Variants in ABHD2 observed in about 807,000 individuals in gnomAD.
ABHD2 encodes monoacylglycerol lipase ABHD2.
A neutral mutation model predicts 48.1 loss-of-function variants in ABHD2; 20 were observed. That is an observed-to-expected ratio of 0.42 (90% CI 0.29 to 0.60). The LOEUF is 0.60. Among genes scored for constraint, ABHD2 ranks in the 20% least tolerant of loss-of-function variants. ABHD2 has a pLI of 0.24. For synonymous variants in ABHD2, 209 were observed against 214.2 expected, an observed-to-expected ratio of 0.98 and a Z score of 0.21; for missense variants, 405 against 550.9, an observed-to-expected ratio of 0.74 and a Z score of 2.65.
the ABHD2 span, among the ~76,000 whole-genome samples, chr15:89,069,674 C>CTTTTTTTTTTTTTTATTTTTTTTTTT: frequency 1.9e-5 from 1 of 52,898 alleles, no homozygotes. Flanking sequence ...TTCATTTACT[C>CTTTTTTTTTTTTTTATTTTTTTTTTT]TTTTTTTTTT....
chr15:89,044,341 G>C, the ABHD2 span, among the ~76,000 whole-genome samples: 464 of 152,208 alleles, frequency 3.0e-3, no homozygotes, highest in African/African-American at 0.011. Context: ...CTTTGCTATT[G>C]TGAATAATGC....
chr15:89,054,695 A>G, the ABHD2 span, among the ~76,000 whole-genome samples: 1 of 110,162 alleles, frequency 9.1e-6, no homozygotes, highest in South Asian at 4.1e-4. Flanking sequence ...AAGAAAAAAG[A>G]AAAAAAAAAG....
At chr15:89,048,057 T>C in the ABHD2 span, among the ~76,000 whole-genome samples, 54 of 152,164 alleles carry the variant, frequency 3.5e-4, no homozygotes, top group African/African-American at 1.3e-3. Flanking sequence ...TTTCCATGTT[T>C]AGCGCTTCCT....
chr15:89,160,765 T>C (rs1014767432), intron 5 of ABHD2, among the ~76,000 whole-genome samples: 7 of 152,150 alleles, frequency 4.6e-5, no homozygotes, highest in African/African-American at 1.4e-4. Flanking sequence ...AGAGTGTGGC[T>C]CTTGAAGCTT....
chr15:89,076,727 A>G, the ABHD2 span, among the ~76,000 whole-genome samples: 2 of 152,170 alleles, frequency 1.3e-5, no homozygotes, highest in South Asian at 2.1e-4. Context: ...CAAGTGATCC[A>G]CTTGCCCCAG....
chr15:89,095,997 C>T (rs2049607468), intron 1 of ABHD2, among the ~76,000 whole-genome samples: 1 of 152,140 alleles, frequency 6.6e-6, no homozygotes, highest in African/African-American at 2.4e-5. Flanking sequence ...AGATGAACTT[C>T]GCGCAGAAAA....
intron 2 of ABHD2, among the ~76,000 whole-genome samples, 153 bp downstream of exon 2, chr15:89,113,977 C>T (rs144154410): frequency 1.5e-4 from 23 of 152,348 alleles, no homozygotes; most frequent in Non-Finnish European, 2.9e-4. Flanking sequence ...CTGCATTACC[C>T]TGTTCTGTTT....
At chr15:89,111,074 T>C (rs1317855227) in intron 1 of ABHD2, among the ~76,000 whole-genome samples, 2 of 152,182 alleles carry the variant, frequency 1.3e-5, no homozygotes, top group African/African-American at 4.8e-5. Context: ...GTCAGAAAGC[T>C]CAGATAAATT....
chr15:89,123,593 C>CTTTTTTTTTTTTTT (rs138910210), intron 3 of ABHD2, among the ~76,000 whole-genome samples: 15 of 96,650 alleles, frequency 1.6e-4, no homozygotes, highest in Non-Finnish European at 1.8e-4. Context: ...TTCTTTCTTT[C>CTTTTTTTTTTTTTT]TTTTTTTTTT....
At position 89,177,372 on chromosome 15, in the gene ABHD2, G is replaced by C. The variant is rs572074909; in HGVS notation, c.722+1377G>C. 6.6e-6 allele frequency among the ~76,000 whole-genome samples: 1 copy of C among 152,302 alleles called. No individual in the cohort carries two copies. Among genetic ancestry groups the C allele is most frequent in the East Asian group, 1.9e-4 (1 of 5,184 alleles). On this transcript the variant is annotated intron_variant, in intron 6 of 10. Transcript: ENST00000352732. The surrounding 1 kb of genome is among the most constrained non-coding windows in gnomAD (Gnocchi z 5.6). ...TTCGATCGGCGGATCACAAAGACCG[G>C]TCCAGTGAACTAGTGACTGCCTCAC...
At chr15:89,081,000 CCTT>C in the ABHD2 span, among the ~76,000 whole-genome samples, 6,717 of 21,242 alleles carry the variant, frequency 0.32, 493 homozygotes, top group African/African-American at 0.49. Context: ...GAATTTCATT[CCTT>C]TTTTTTTTTT....
the ABHD2 span, among the ~76,000 whole-genome samples, chr15:89,082,111 C>T: frequency 6.6e-6 from 1 of 152,180 alleles, no homozygotes; most frequent in Non-Finnish European, 1.5e-5. This position sits in a 1 kb window ranked among gnomAD's most constrained non-coding sequence, Gnocchi z 4.4. Context: ...GTGACAACCA[C>T]AGACATTGTC....
At chr15:89,107,538 G>A (rs2049805631) in intron 1 of ABHD2, among the ~76,000 whole-genome samples, 2 of 152,140 alleles carry the variant, frequency 1.3e-5, no homozygotes, top group African/African-American at 2.4e-5. Flanking sequence ...AATATTTTGC[G>A]GTAGTACCCC....
chr15:89,149,447 C>G (rs1472094237), intron 3 of ABHD2, among the ~76,000 whole-genome samples: 3 of 152,086 alleles, frequency 2.0e-5, no homozygotes, highest in Non-Finnish European at 4.4e-5. Context: ...TTCATTGAAG[C>G]AAATCTCCCC....
intron 3 of ABHD2, among the ~76,000 whole-genome samples, chr15:89,121,267 C>A (rs1489838231): frequency 6.6e-6 from 1 of 152,166 alleles, no homozygotes; most frequent in African/African-American, 2.4e-5. Context: ...TGGTGCCCTT[C>A]AGCACGGACA....
chr15:89,043,650 A>AAGGAGGAGGAGGAGAGGGAGG, the ABHD2 span, among the ~76,000 whole-genome samples: 4 of 110,986 alleles, frequency 3.6e-5, 1 homozygote, highest in Non-Finnish European at 7.4e-5. Context: ...GAGGAAGGAG[A>AAGGAGGAGGAGGAGAGGGAGG]AGGAGGAGGA....
At chr15:89,148,112 C>T (rs1408000813) in intron 3 of ABHD2, among the ~76,000 whole-genome samples, 1 of 107,414 alleles carries the variant, frequency 9.3e-6, no homozygotes, top group African/African-American at 3.9e-5. Flanking sequence ...GAGTGAGACT[C>T]CGTCTCAAAA....
chr15:89,057,368 T>C, the ABHD2 span, among the ~76,000 whole-genome samples: 2 of 152,012 alleles, frequency 1.3e-5, no homozygotes, highest in Non-Finnish European at 2.9e-5. Context: ...CCACTTCCCT[T>C]TGGGGTTTGG....
chr15:89,188,134 A>C lies in ABHD2; in HGVS notation c.816-59A>C. The C allele has an allele frequency of 1.3e-5, 18 of 1,434,064 alleles. No homozygotes were observed. Among genetic ancestry groups the C allele is most frequent in the African/African-American group, 2.8e-5 (2 of 71,566 alleles). The allele number at this position is 1,434,064 out of a possible 1,614,324, so 88.8% of individuals were successfully genotyped here. ...GCTTGCTGTGGCAAGGAAGCAGGCT[A>C]TGCCATGGTTGTTCATCCTCCACAT... On this transcript the variant is annotated intron_variant, in intron 7 of 10. Transcript: ENST00000352732. This position sits in a 1 kb window ranked among gnomAD's most constrained non-coding sequence, Gnocchi z 4.1.
Sources: gnomAD v4.1 joint callset for allele counts (sites outside exome capture counted in the v4.1 genomes callset) on GRCh38, gnomAD v4.1.1 for gene constraint, Gnocchi (gnomAD v3.1) non-coding constraint, MANE v1.5 for transcripts, NCBI Gene and HGNC (gene_info 2026-07-23, HGNC 2026-07-21) for gene names.